Variants in SMG5 observed in about 807,000 individuals in gnomAD.
The protein encoded by SMG5 is nonsense-mediated mRNA decay factor SMG5.
A neutral mutation model predicts 122.9 loss-of-function variants in SMG5; 53 were observed. That is an observed-to-expected ratio of 0.43 (90% CI 0.35 to 0.54). SMG5 has a LOEUF of 0.54. Ranked by LOEUF, SMG5 falls within the 20% of genes least tolerant of loss-of-function variation. The pLI, the probability that SMG5 is intolerant of heterozygous loss-of-function variation, is 0.01. For synonymous variants in SMG5, 477 were observed against 490.2 expected, an observed-to-expected ratio of 0.97 and a Z score of 0.35; for missense variants, 1,153 against 1,285.6, an observed-to-expected ratio of 0.90 and a Z score of 1.58.
At chr1:156,283,158 G>A (rs1663047149), upstream of SMG5, 3 of 267,142 alleles carry the variant, frequency 1.1e-5, no homozygotes, top group Non-Finnish European at 2.1e-5. Flanking sequence ...TTTGAGCCAA[G>A]CCTCTTTCAG....
rs376214914 is a variant in SMG5 at position 156,266,286 on chromosome 1, G to A, written c.1350C>T (p.Ser450=). The A allele has an allele frequency of 7.4e-6, 12 of 1,614,198 alleles. No homozygotes were observed. In the African/African-American group the frequency reaches 1.3e-4, roughly 18 times the overall value. ...VTPQVGEGRK[S]RKFSRLSCLR... Reference sequence around the variant, plus strand: ...GACAGGAGAGGCGAGAGAACTTACGGCTCTTTCTGCCCTCACCCACTTGGG... The same window carrying A: ...GACAGGAGAGGCGAGAGAACTTACGACTCTTTCTGCCCTCACCCACTTGGG... The change falls in exon 12 of 22, where the codon AGC becomes AGT. Residue 450 remains serine (S), a synonymous_variant. Coordinates refer to ENST00000361813, the MANE Select transcript of SMG5 (RefSeq NM_015327.3).
intron 10 of SMG5, 114 bp downstream of exon 10, chr1:156,267,356 C>A: frequency 1.9e-6 from 2 of 1,056,804 alleles, no homozygotes; most frequent in Non-Finnish European, 2.8e-6. Flanking sequence ...AGCAGTGACA[C>A]AGGAGTGAAG....
Position 156,252,966 on chromosome 1 carries a change from C to A in SMG5, c.2615G>T (p.Arg872Leu). 1 of 1,612,424 alleles carries A rather than the reference C, an allele frequency of 6.2e-7. No homozygotes were observed. The highest frequency in any genetic ancestry group is 8.5e-7 in the Non-Finnish European group (1 of 1,179,344). Residue 872 changes from arginine (R) to leucine (L), a missense_variant, in exon 18 of 22, where the codon CGC becomes CTC. By Grantham distance (102) the Arg-to-Leu change is moderately radical. This residue lies in a region of SMG5 where 140 missense variants were observed against 227.8 expected (regional missense o/e 0.61). Coordinates refer to ENST00000361813, the MANE Select transcript of SMG5 (RefSeq NM_015327.3). ...GAAGCGGCCACTGGTGGCCAGTTGG[C>A]GGATGACAGGGAGATGGTGGCAGAG... Reference protein sequence around the residue: ...QALCHHLPVIRQLATSGRFIV... With the variant: ...QALCHHLPVILQLATSGRFIV...
Position 156,282,693 on chromosome 1 carries a change from CG to C in SMG5, c.-14del. On this transcript the variant is annotated 5_prime_UTR_variant, in exon 1 of 22. Transcript: ENST00000361813. ...GGCCTTGGCTCATGGTGCCCGGGTC[CG>C]GGGGCAGCTCCCGGTCACAGGCCCC... 1.3e-6 allele frequency: 2 copies of C among 1,594,958 alleles called. No homozygotes were observed. The highest frequency in any genetic ancestry group is 1.7e-5 in the Admixed American group (1 of 58,902).
upstream of SMG5, chr1:156,286,430 C>T: frequency 6.2e-7 from 1 of 1,614,204 alleles, no homozygotes; most frequent in South Asian, 1.1e-5. Context: ...CCAGGATACC[C>T]TCAAACTGCT....
At chr1:156,251,220 A>C in intron 20 of SMG5, 183 bp downstream of exon 20, 1 of 911,378 alleles carries the variant, frequency 1.1e-6, no homozygotes, top group South Asian at 1.5e-5. Flanking sequence ...ACCCATCTGC[A>C]GAGGAAAAGC....
intron 7 of SMG5, among the ~76,000 whole-genome samples, chr1:156,272,111 A>G (rs188612867): frequency 2.3e-3 from 345 of 152,308 alleles, no homozygotes; most frequent in Non-Finnish European, 2.8e-3. Context: ...GTAAATAGCT[A>G]TTTTAGCTGC....
intron 17 of SMG5, among the ~76,000 whole-genome samples, 163 bp downstream of exon 17, chr1:156,253,286 G>A (rs1256386038): frequency 6.6e-6 from 1 of 152,170 alleles, no homozygotes; most frequent in Non-Finnish European, 1.5e-5. Flanking sequence ...GGAGGCAAAT[G>A]GCTGAGTGAA....
chr1:156,258,981 C>T lies in SMG5; in HGVS notation c.2442+24G>A, dbSNP rs60482881. On this transcript the variant is annotated intron_variant, in intron 16 of 21. Coordinates refer to ENST00000361813, the MANE Select transcript of SMG5 (RefSeq NM_015327.3). ...GTGAGCCCAATGGGAGCAGAGCTGA[C>T]GGGGAGGGGAAGGCCTGACTCACCA... 6,835 of 1,612,370 alleles carry T rather than the reference C, an allele frequency of 4.2e-3. 260 individuals carry two copies. The African/African-American group carries it at 0.08, about 19-fold the overall frequency.
intron 16 of SMG5, among the ~76,000 whole-genome samples, chr1:156,258,664 C>T (rs1209460194): frequency 1.3e-5 from 2 of 152,104 alleles, no homozygotes; most frequent in Non-Finnish European, 2.9e-5. Context: ...GGCGTGGTGG[C>T]GTGCGCCTGT....
chr1:156,272,338 A>G lies in SMG5; in HGVS notation c.695T>C (p.Met232Thr). ...AGSKYYNVEA[M>T]YCYLRCIQSE... ...TACTCACCAGCGCAGGTAGCAATAC[A>G]TGGCTTCCACATTATAGTACTTGCT... Residue 232 changes from methionine (M) to threonine (T), a missense_variant, in exon 7 of 22, where the codon ATG becomes ACG. By Grantham distance (81) the Met-to-Thr change is moderately conservative. Around this residue, in one of 5 missense-constraint regions of SMG5, gnomAD observed 85 missense variants for 127.3 expected, o/e 0.67. Coordinates refer to ENST00000361813, the MANE Select transcript of SMG5 (RefSeq NM_015327.3). 1 of 1,598,950 alleles carries G rather than the reference A, an allele frequency of 6.3e-7. No individual in the cohort carries two copies. The highest frequency in any genetic ancestry group is 8.5e-7 in the Non-Finnish European group (1 of 1,170,994).
intron 14 of SMG5, among the ~76,000 whole-genome samples, chr1:156,261,096 G>C (rs550020327): frequency 6.6e-6 from 1 of 152,236 alleles, no homozygotes; most frequent in Non-Finnish European, 1.5e-5. Flanking sequence ...CTCTGCCCTT[G>C]CATTCCCTAG....
chr1:156,251,293 C>T, intron 20 of SMG5, 110 bp downstream of exon 20: 2 of 1,305,628 alleles, frequency 1.5e-6, no homozygotes. Flanking sequence ...CCCTGGCAGG[C>T]TACGTGTGGA....
At chr1:156,279,428 G>A (rs866055826) in intron 1 of SMG5, among the ~76,000 whole-genome samples, 8 of 152,160 alleles carry the variant, frequency 5.3e-5, no homozygotes, top group South Asian at 2.1e-4. Context: ...TGGTAAGGCC[G>A]ACTCTCCCAA....
chr1:156,263,893 G>T, intron 12 of SMG5, among the ~76,000 whole-genome samples: 1 of 152,154 alleles, frequency 6.6e-6, no homozygotes, highest in East Asian at 1.9e-4. Context: ...TTTATGAAAT[G>T]CCTACTCTGT....
intron 16 of SMG5, chr1:156,253,894 A>G (rs1452584083): frequency 3.5e-6 from 1 of 282,452 alleles, no homozygotes; most frequent in Non-Finnish European, 7.1e-6. Context: ...CCACTTGCCA[A>G]AATCTTCCAA....
At chr1:156,269,994 C>T (rs538185779) in intron 7 of SMG5, among the ~76,000 whole-genome samples, 7 of 152,280 alleles carry the variant, frequency 4.6e-5, no homozygotes, top group African/African-American at 9.6e-5. Context: ...GAGCCGAGAT[C>T]GCGCCATTGC....
In SMG5 at chr1:156,263,460, G is replaced by C. The variant is rs200651028; in HGVS notation, c.1966C>G (p.Pro656Ala). 72 of 1,614,240 alleles carry C rather than the reference G, an allele frequency of 4.5e-5. No individual in the cohort carries two copies. The Middle Eastern group carries it at 2.1e-3, about 48-fold the overall frequency. Residue 656 changes from proline (P) to alanine (A), a missense_variant, in exon 13 of 22, where the codon CCT (proline) becomes GCT (alanine). Pro to Ala is a conservative substitution (Grantham distance 27). This residue lies in a region of SMG5 where 631 missense variants were observed against 650.6 expected (regional missense o/e 0.97). Coordinates refer to ENST00000361813, the MANE Select transcript of SMG5 (RefSeq NM_015327.3). ...CAGTCCAGGAAGACTTTCACAGCAG[G>C]AAGCAGACCTTCGGCCATCAGGACC... The part of the protein sequence containing the change: ...LQVLMAEGLL[P>A]AVKVFLDWLR...
chr1:156,265,057 A>ACACG (rs917623818), intron 12 of SMG5, among the ~76,000 whole-genome samples: 1 of 148,170 alleles, frequency 6.7e-6, no homozygotes, highest in Non-Finnish European at 1.5e-5. Flanking sequence ...ACACACACAC[A>ACACG]CACACACACA....
Sources: allele counts gnomAD v4.1 joint callset (sites outside exome capture counted in the v4.1 genomes callset), GRCh38; gene constraint gnomAD v4.1.1; regional missense constraint gnomAD v4.1.1; transcripts MANE v1.5; gene names NCBI Gene and HGNC (gene_info 2026-07-23, HGNC 2026-07-21).